Variants in OCA2 observed in about 807,000 individuals in gnomAD.
The protein encoded by OCA2 is P protein.
OCA2 carries 77 observed loss-of-function variants against 100.2 expected under a neutral mutation model. The observed-to-expected ratio is 0.77, with a 90% confidence interval of 0.64 to 0.93. The LOEUF (loss-of-function observed/expected upper bound fraction) is 0.93. Among genes scored for constraint, OCA2 ranks in the 40% least tolerant of loss-of-function variants. The probability of loss-of-function intolerance (pLI) is 0.00; values close to 1 mark genes in which losing one functional copy is unlikely to be tolerated. For missense variants in OCA2, 1,062 were observed against 1,089.1 expected, an observed-to-expected ratio of 0.98 and a Z score of 0.35; for synonymous variants, 432 against 439.2, an observed-to-expected ratio of 0.98 and a Z score of 0.21.
At chr15:27,872,016 T>C (rs954175383) in intron 19 of OCA2, 94 bp from the exon 20 acceptor site, 3 of 896,248 alleles carry the variant, frequency 3.3e-6, no homozygotes, top group African/African-American at 1.6e-5. Context: ...GACGTGAACA[T>C]AAGGTAGGCC....
At chr15:27,796,868 G>A (rs959098352) in intron 23 of OCA2, among the ~76,000 whole-genome samples, 3 of 152,094 alleles carry the variant, frequency 2.0e-5, no homozygotes, top group Non-Finnish European at 4.4e-5. Flanking sequence ...TACCCACTCC[G>A]TGTCCCTCCA....
the OCA2 span, among the ~76,000 whole-genome samples, chr15:27,728,675 C>A: frequency 6.6e-6 from 1 of 152,140 alleles, no homozygotes; most frequent in Admixed American, 6.6e-5. Flanking sequence ...AGGAACAATG[C>A]CCTTGAGCTT....
chr15:27,952,077 A>G (rs1276553888), intron 17 of OCA2, among the ~76,000 whole-genome samples, 185 bp from the exon 18 acceptor site: 1 of 152,258 alleles, frequency 6.6e-6, no homozygotes, highest in Non-Finnish European at 1.5e-5. Context: ...GGATTACTGC[A>G]TTCAAAATCT....
chr15:28,098,593 C>T (rs1332834032), intron 1 of OCA2, among the ~76,000 whole-genome samples: 5 of 152,194 alleles, frequency 3.3e-5, no homozygotes, highest in African/African-American at 1.2e-4. Context: ...TGGGGAGCTT[C>T]ACCGCCGGGC....
At chr15:28,009,683 G>GAC (rs1219117868) in intron 9 of OCA2, among the ~76,000 whole-genome samples, 6 of 71,506 alleles carry the variant, frequency 8.4e-5, no homozygotes, top group Non-Finnish European at 1.6e-4. Context: ...GCGAGATTCT[G>GAC]TCACACACAC....
At chr15:27,976,321 T>G (rs1394923218) in intron 14 of OCA2, among the ~76,000 whole-genome samples, 2 of 152,222 alleles carry the variant, frequency 1.3e-5, no homozygotes, top group East Asian at 3.8e-4. Flanking sequence ...AGAACAGATA[T>G]CCTTGTCTTG....
chr15:27,857,439 A>T (rs936181559), intron 21 of OCA2, among the ~76,000 whole-genome samples: 6 of 152,178 alleles, frequency 3.9e-5, no homozygotes, highest in African/African-American at 1.4e-4. Context: ...TAATGGGTAC[A>T]GGGTTTTAGT....
intron 23 of OCA2, among the ~76,000 whole-genome samples, chr15:27,759,704 T>C (rs1412019254): frequency 3.2e-4 from 48 of 151,312 alleles, no homozygotes; most frequent in Admixed American, 3.2e-3. Flanking sequence ...AGAAAGTAAA[T>C]GACAAGAGAA....
At chr15:27,865,101 T>C (rs1595538106) in intron 21 of OCA2, among the ~76,000 whole-genome samples, 1 of 151,842 alleles carries the variant, frequency 6.6e-6, no homozygotes, top group East Asian at 2.0e-4. Flanking sequence ...ACAACGCAAA[T>C]GTAGCAGAAA....
chr15:28,017,504 T>C (rs893171115), intron 7 of OCA2, among the ~76,000 whole-genome samples: 24 of 152,204 alleles, frequency 1.6e-4, no homozygotes, highest in Non-Finnish European at 7.3e-5. Context: ...CAGAGGGCTG[T>C]GCTTTTCACA....
At chr15:27,893,071 T>G (rs2037531472) in intron 19 of OCA2, among the ~76,000 whole-genome samples, 2 of 152,194 alleles carry the variant, frequency 1.3e-5, no homozygotes, top group Admixed American at 1.3e-4. Flanking sequence ...TTTGAAAGTT[T>G]CCTTTTAAAA....
At chr15:27,819,668 T>C (rs1022174701) in intron 23 of OCA2, among the ~76,000 whole-genome samples, 1 of 152,202 alleles carries the variant, frequency 6.6e-6, no homozygotes, top group Non-Finnish European at 1.5e-5. Flanking sequence ...TGGCTTAACC[T>C]AGAAATAGAT....
intron 15 of OCA2, among the ~76,000 whole-genome samples, chr15:27,961,342 CTG>C (rs759303623): frequency 1.1e-4 from 16 of 152,230 alleles, no homozygotes; most frequent in Non-Finnish European, 2.1e-4. Flanking sequence ...TGCTTTTACA[CTG>C]TTGGTGGAAC....
intron 19 of OCA2, among the ~76,000 whole-genome samples, chr15:27,915,071 C>A (rs1403609652): frequency 6.6e-6 from 1 of 152,044 alleles, no homozygotes; most frequent in Non-Finnish European, 1.5e-5. Flanking sequence ...CTACAACTAT[C>A]AGATCTTTGA....
intron 23 of OCA2, among the ~76,000 whole-genome samples, chr15:27,825,972 G>C (rs1369777261): frequency 6.6e-6 from 1 of 152,204 alleles, no homozygotes; most frequent in East Asian, 1.9e-4. Context: ...ATGATTTTCA[G>C]CTTCTCAATT....
intron 2 of OCA2, among the ~76,000 whole-genome samples, chr15:28,057,041 G>A (rs1426832888): frequency 5.3e-5 from 8 of 152,206 alleles, no homozygotes; most frequent in Admixed American, 3.9e-4. Flanking sequence ...AGGAAAGCAT[G>A]CTTTAGGTTT....
intron 17 of OCA2, among the ~76,000 whole-genome samples, chr15:27,954,871 G>A (rs769154641): frequency 8.5e-5 from 13 of 152,302 alleles, no homozygotes; most frequent in East Asian, 3.9e-4. Flanking sequence ...GGCCAGGAGC[G>A]GGCTGGTGGT....
intron 23 of OCA2, among the ~76,000 whole-genome samples, chr15:27,777,944 GAAT>G (rs2032330293): frequency 6.6e-6 from 1 of 152,188 alleles, no homozygotes; most frequent in South Asian, 2.1e-4. Flanking sequence ...AGGAAGTCTG[GAAT>G]AATAAAGGCA....
At chr15:27,790,736 C>CACCTCAAATGGTATGCCCACCTCAAATTT (rs2033040328) in intron 23 of OCA2, among the ~76,000 whole-genome samples, 4 of 151,916 alleles carry the variant, frequency 2.6e-5, no homozygotes, top group African/African-American at 9.7e-5. Flanking sequence ...TTAAACTATA[C>CACCTCAAATGGTATGCCCACCTCAAATTT]ACCTCAAATG....
Sources: gnomAD v4.1 joint callset for allele counts (sites outside exome capture counted in the v4.1 genomes callset) on GRCh38, gnomAD v4.1.1 for gene constraint, MANE v1.5 for transcripts, NCBI Gene and HGNC (gene_info 2026-07-23, HGNC 2026-07-21) for gene names.